The following CPED1 variants were observed in gnomAD, a reference collection of about 807,000 sequenced individuals.
CPED1 encodes cadherin-like and PC-esterase domain-containing protein 1.
In CPED1, 114 loss-of-function variants were observed where a neutral mutation model predicts 128.2. That is an observed-to-expected ratio of 0.89 (90% CI 0.76 to 1.04). The LOEUF is 1.04. Among genes scored for constraint, CPED1 ranks in the 50% least tolerant of loss-of-function variants. The pLI is 0.00. For synonymous variants in CPED1, 462 were observed against 426.7 expected, an observed-to-expected ratio of 1.08 and a Z score of -1.02; for missense variants, 1,211 against 1,207.1, an observed-to-expected ratio of 1.00 and a Z score of -0.05.
chr7:121,237,394 AG>A (rs751734744), intron 17 of CPED1, among the ~76,000 whole-genome samples: 3 of 152,170 alleles, frequency 2.0e-5, no homozygotes, highest in Non-Finnish European at 4.4e-5. Flanking sequence ...AAAAAAAGTT[AG>A]GGGGCATGAT....
intron 5 of CPED1, among the ~76,000 whole-genome samples, chr7:121,090,647 G>A (rs183691813): frequency 1.8e-4 from 28 of 152,236 alleles, no homozygotes; most frequent in Admixed American, 1.1e-3. Context: ...AAGTAAAAAC[G>A]TATTAAAGAA....
chr7:121,129,293 A>ATATATATATATATACGTATATATG (rs1795592267), intron 11 of CPED1, among the ~76,000 whole-genome samples: 1 of 13,418 alleles, frequency 7.5e-5, no homozygotes, highest in African/African-American at 1.7e-4. Flanking sequence ...ATATGTATAT[A>ATATATATATATATACGTATATATG]TATATATATA....
chr7:121,038,955 C>A (rs1368243368), intron 3 of CPED1, among the ~76,000 whole-genome samples: 1 of 152,052 alleles, frequency 6.6e-6, no homozygotes, highest in Non-Finnish European at 1.5e-5. Flanking sequence ...TCACGTTAAC[C>A]TGATTATCTG....
chr7:121,295,175 A>ACACACACACAC (rs1562865931), intron 22 of CPED1, among the ~76,000 whole-genome samples: 5 of 151,582 alleles, frequency 3.3e-5, no homozygotes, highest in South Asian at 2.1e-4. Flanking sequence ...ACACACACAC[A>ACACACACACAC]AAGACTAGAA....
intron 12 of CPED1, among the ~76,000 whole-genome samples, chr7:121,132,192 T>C (rs184227670): frequency 6.6e-6 from 1 of 152,070 alleles, no homozygotes; most frequent in Non-Finnish European, 1.5e-5. Flanking sequence ...TATATACATG[T>C]TCCAGATGAG....
chr7:120,997,934 AAATAAAATAAAAT>A (rs1562986457), intron 2 of CPED1, among the ~76,000 whole-genome samples: 2,516 of 128,490 alleles, frequency 0.02, 133 homozygotes, highest in African/African-American at 0.076. Context: ...AAAAAAAATA[AAATAAAATAAAAT>A]AAAATAAAAT....
At chr7:121,184,770 G>T (rs942219842) in intron 16 of CPED1, among the ~76,000 whole-genome samples, 1 of 152,108 alleles carries the variant, frequency 6.6e-6, no homozygotes. Context: ...GAAAATTAAT[G>T]AGAAAATAGT....
At chr7:121,092,148 G>T (rs1360997437) in intron 5 of CPED1, among the ~76,000 whole-genome samples, 1 of 152,182 alleles carries the variant, frequency 6.6e-6, no homozygotes, top group African/African-American at 2.4e-5. Flanking sequence ...TCTATGAGCT[G>T]TGGATCCCTT....
chr7:121,005,254 T>C (rs1026461720), intron 2 of CPED1, among the ~76,000 whole-genome samples: 5 of 152,204 alleles, frequency 3.3e-5, no homozygotes, highest in Non-Finnish European at 5.9e-5. Flanking sequence ...GCAAAGGACA[T>C]GAACTCATCC....
intron 22 of CPED1, among the ~76,000 whole-genome samples, chr7:121,280,948 C>T (rs1322680932): frequency 6.6e-6 from 1 of 152,130 alleles, no homozygotes; most frequent in Non-Finnish European, 1.5e-5. Context: ...ATTTGCCTGG[C>T]CAATCTCATG....
intron 18 of CPED1, among the ~76,000 whole-genome samples, chr7:121,257,413 C>T (rs779825122): frequency 6.6e-6 from 1 of 152,002 alleles, no homozygotes; most frequent in Non-Finnish European, 1.5e-5. Flanking sequence ...TGTGTGAGCA[C>T]TGTTTTCTTA....
At chr7:121,251,803 G>A (rs1312625120) in intron 18 of CPED1, among the ~76,000 whole-genome samples, 2 of 144,772 alleles carry the variant, frequency 1.4e-5, no homozygotes, top group African/African-American at 5.1e-5. Flanking sequence ...ACTGCTCAAG[G>A]AAATAAAAGA....
intron 16 of CPED1, among the ~76,000 whole-genome samples, chr7:121,184,097 C>T (rs548241636): frequency 2.6e-5 from 4 of 151,448 alleles, no homozygotes; most frequent in African/African-American, 4.8e-5. Flanking sequence ...CCAATATTCG[C>T]GCCACTGCAC....
intron 16 of CPED1, among the ~76,000 whole-genome samples, chr7:121,224,750 A>C (rs1181884840): frequency 6.7e-6 from 1 of 149,194 alleles, no homozygotes; most frequent in Non-Finnish European, 1.5e-5. Flanking sequence ...TGTTGGTTTA[A>C]AGTCTATTTT....
chr7:121,067,077 A>G (rs1793847446), intron 5 of CPED1, among the ~76,000 whole-genome samples: 2 of 151,538 alleles, frequency 1.3e-5, no homozygotes, highest in Non-Finnish European at 2.9e-5. Flanking sequence ...GGTGGGGTGC[A>G]GTCCTAAAAC....
intron 5 of CPED1, among the ~76,000 whole-genome samples, chr7:121,079,693 AGACT>A (rs1406095902): frequency 7.2e-5 from 11 of 152,252 alleles, no homozygotes; most frequent in African/African-American, 2.7e-4. Flanking sequence ...GTTGTGCAAA[AGACT>A]GACTGGCTGA....
intron 16 of CPED1, among the ~76,000 whole-genome samples, chr7:121,201,477 T>A (rs199678298): frequency 1.7e-4 from 22 of 127,250 alleles, no homozygotes; most frequent in South Asian, 5.0e-4. Context: ...AGAGGGAGAG[T>A]GAGAGACAGA....
At chr7:121,015,149 T>C (rs185850520) in intron 2 of CPED1, among the ~76,000 whole-genome samples, 10 of 152,340 alleles carry the variant, frequency 6.6e-5, no homozygotes, top group African/African-American at 1.9e-4. Flanking sequence ...CCAGTTTTGC[T>C]ACAGCCTAAT....
intron 5 of CPED1, among the ~76,000 whole-genome samples, chr7:121,066,918 G>T (rs1050608333): frequency 6.6e-6 from 1 of 152,126 alleles, no homozygotes; most frequent in East Asian, 1.9e-4. Flanking sequence ...GAAGTGATAT[G>T]CAGGCATTGT....
Sources: gnomAD v4.1 joint callset for allele counts (sites outside exome capture counted in the v4.1 genomes callset) on GRCh38, gnomAD v4.1.1 for gene constraint, MANE v1.5 for transcripts, NCBI Gene and HGNC (gene_info 2026-07-23, HGNC 2026-07-21) for gene names.